Variants in CELF2 observed in about 807,000 individuals in gnomAD.
CELF2 encodes CUGBP Elav-like family member 2.
CELF2 carries 8 observed loss-of-function variants against 62.6 expected under a neutral mutation model. The observed-to-expected ratio is 0.13, with a 90% confidence interval of 0.07 to 0.23. The LOEUF is 0.23. CELF2 is among the 10% of genes least tolerant of loss of function. CELF2 has a pLI of 1.00. For missense variants in CELF2, 333 were observed against 671.0 expected, an observed-to-expected ratio of 0.50 and a Z score of 5.56; for synonymous variants, 258 against 250.0, an observed-to-expected ratio of 1.03 and a Z score of -0.30.
the CELF2 span, among the ~76,000 whole-genome samples, chr10:10,489,057 G>A: frequency 5.3e-5 from 8 of 151,940 alleles, no homozygotes; most frequent in African/African-American, 1.7e-4. Context: ...CAGCGAATGC[G>A]GTTCTGATAC....
At chr10:10,582,789 G>A in the CELF2 span, among the ~76,000 whole-genome samples, 1 of 152,132 alleles carries the variant, frequency 6.6e-6, no homozygotes, top group East Asian at 1.9e-4. Flanking sequence ...GAGCTCCCAG[G>A]TCATGACCTT....
chr10:10,529,467 A>G, the CELF2 span, among the ~76,000 whole-genome samples: 2 of 152,090 alleles, frequency 1.3e-5, no homozygotes, highest in African/African-American at 2.4e-5. Flanking sequence ...TGGGCGGATC[A>G]TGAAGTTAGG....
chr10:11,234,879 TA>T (rs1262238243), intron 3 of CELF2, among the ~76,000 whole-genome samples: 1 of 152,076 alleles, frequency 6.6e-6, no homozygotes, highest in Non-Finnish European at 1.5e-5. Flanking sequence ...TTATAATCCT[TA>T]ACTGAATGAA....
intron 1 of CELF2, among the ~76,000 whole-genome samples, chr10:10,842,269 A>G (rs7073711): frequency 0.22 from 33,872 of 151,866 alleles, 4,561 homozygotes; most frequent in East Asian, 0.54. Context: ...TCCAATCTGT[A>G]TAGCTTTTAC....
intron 1 of CELF2, among the ~76,000 whole-genome samples, chr10:11,106,905 A>G (rs1240686895): frequency 6.6e-6 from 1 of 152,220 alleles, no homozygotes; most frequent in Non-Finnish European, 1.5e-5. Flanking sequence ...ACCTCTCTGC[A>G]GAAAGGCTGC....
the CELF2 span, among the ~76,000 whole-genome samples, chr10:10,581,724 C>T: frequency 1.3e-5 from 2 of 152,114 alleles, no homozygotes; most frequent in African/African-American, 2.4e-5. Context: ...CAAATACTTA[C>T]ATTAAGATTA....
At chr10:10,884,388 A>G (rs554673773) in intron 1 of CELF2, among the ~76,000 whole-genome samples, 1 of 152,168 alleles carries the variant, frequency 6.6e-6, no homozygotes, top group African/African-American at 2.4e-5. Context: ...TCCCACCCCA[A>G]TTTTGAACTT....
the CELF2 span, among the ~76,000 whole-genome samples, chr10:10,632,448 C>A: frequency 1.3e-5 from 2 of 152,112 alleles, no homozygotes; most frequent in African/African-American, 4.8e-5. Context: ...CACGCACACA[C>A]ACACACACAC....
At chr10:10,888,143 G>A (rs1591567813) in intron 1 of CELF2, among the ~76,000 whole-genome samples, 1 of 152,324 alleles carries the variant, frequency 6.6e-6, no homozygotes, top group South Asian at 2.1e-4. Flanking sequence ...ATGTGCACAA[G>A]ATTTATGGAT....
the CELF2 span, among the ~76,000 whole-genome samples, chr10:10,729,735 T>C: frequency 3.3e-5 from 5 of 151,574 alleles, no homozygotes; most frequent in Admixed American, 1.3e-4. Flanking sequence ...GCCGAGATCA[T>C]GCCACTGCAC....
intron 2 of CELF2, chr10:10,948,166 C>A (rs1377994188): frequency 6.6e-6 from 1 of 152,262 alleles, no homozygotes; most frequent in Non-Finnish European, 1.5e-5. Flanking sequence ...ATAATACAGC[C>A]TGGTCTGCAC....
At chr10:11,017,817 C>T, upstream of CELF2, 3 of 373,660 alleles carry the variant, frequency 8.0e-6, no homozygotes, top group Non-Finnish European at 1.1e-5. The surrounding 1 kb of genome is among the most constrained non-coding windows in gnomAD (Gnocchi z 5.5). Flanking sequence ...CGGGGCCGCG[C>T]TCTGGGCCGG....
At chr10:10,734,571 G>T in the CELF2 span, among the ~76,000 whole-genome samples, 1 of 152,134 alleles carries the variant, frequency 6.6e-6, no homozygotes, top group Admixed American at 6.5e-5. Flanking sequence ...ACTCAACTGT[G>T]CACAGAAGTA....
chr10:10,772,622 G>A, the CELF2 span, among the ~76,000 whole-genome samples: 3 of 152,216 alleles, frequency 2.0e-5, no homozygotes, highest in Non-Finnish European at 2.9e-5. Flanking sequence ...CAGAGGGAAC[G>A]GTGAGAAAGC....
At chr10:10,732,675 C>A in the CELF2 span, among the ~76,000 whole-genome samples, 1 of 152,136 alleles carries the variant, frequency 6.6e-6, no homozygotes, top group Non-Finnish European at 1.5e-5. Flanking sequence ...AGGCACCCAC[C>A]ACCACGCCTG....
chr10:11,119,683 A>G (rs1279233980), intron 1 of CELF2, among the ~76,000 whole-genome samples: 1 of 152,228 alleles, frequency 6.6e-6, no homozygotes, highest in African/African-American at 2.4e-5. Context: ...GGATACAAAC[A>G]TACAAATAGA....
At chr10:11,234,728 G>A (rs2070445824) in intron 3 of CELF2, among the ~76,000 whole-genome samples, 1 of 151,588 alleles carries the variant, frequency 6.6e-6, no homozygotes, top group Admixed American at 6.6e-5. Context: ...ACTGGTGGGT[G>A]GGGGTGAGAG....
At chr10:10,794,452 T>C (rs535930288), upstream of CELF2, among the ~76,000 whole-genome samples, 1 of 151,888 alleles carries the variant, frequency 6.6e-6, no homozygotes, top group Admixed American at 6.5e-5. Context: ...TCCAAAACAA[T>C]AACAAAAACA....
At chr10:10,951,288 C>A (rs1403890377) in intron 2 of CELF2, among the ~76,000 whole-genome samples, 1 of 152,100 alleles carries the variant, frequency 6.6e-6, no homozygotes, top group Non-Finnish European at 1.5e-5. Context: ...GGACCACAGG[C>A]ATGCACCACC....
Sources: allele counts gnomAD v4.1 joint callset (sites outside exome capture counted in the v4.1 genomes callset), GRCh38; gene constraint gnomAD v4.1.1; non-coding constraint Gnocchi (gnomAD v3.1); transcripts MANE v1.5; gene names NCBI Gene and HGNC (gene_info 2026-07-23, HGNC 2026-07-21).